LUZP1: variants seen among roughly 807,000 people sequenced by gnomAD.
LUZP1 encodes the protein leucine zipper protein 1.
Under a neutral mutation model 71.3 loss-of-function variants are expected in LUZP1, and 25 were observed. That is an observed-to-expected ratio of 0.35 (90% CI 0.26 to 0.49). The LOEUF (loss-of-function observed/expected upper bound fraction) is 0.49, where lower values mean the gene tolerates loss of function less well. LUZP1 is among the 20% of genes least tolerant of loss of function. The probability of loss-of-function intolerance (pLI) is 0.99; values close to 1 mark genes in which losing one functional copy is unlikely to be tolerated. For synonymous variants in LUZP1, 481 were observed against 506.4 expected (o/e 0.95, Z 0.67); for missense variants, 1,142 against 1,300.8 (o/e 0.88, Z 1.88).
At chr1:23,103,402 C>T (rs551648324) in intron 3 of LUZP1, among the ~76,000 whole-genome samples, 13 of 152,246 alleles carry the variant, frequency 8.5e-5, no homozygotes, top group South Asian at 4.2e-4. Flanking sequence ...ATTTTGGATA[C>T]GCAAACTCAA....
At chr1:23,133,953 G>T (rs888154142) in intron 2 of LUZP1, among the ~76,000 whole-genome samples, 9 of 152,040 alleles carry the variant, frequency 5.9e-5, no homozygotes, top group Non-Finnish European at 1.0e-4. Context: ...ATTATAACTG[G>T]CCTGGACTCT....
At chr1:23,142,593 C>G (rs1445959696) in intron 2 of LUZP1, among the ~76,000 whole-genome samples, 1 of 151,854 alleles carries the variant, frequency 6.6e-6, no homozygotes, top group African/African-American at 2.4e-5. Flanking sequence ...GCCAGAATTA[C>G]ACATTACAGC....
At chr1:23,166,169 G>T (rs1644508565) in intron 2 of LUZP1, among the ~76,000 whole-genome samples, 1 of 151,994 alleles carries the variant, frequency 6.6e-6, no homozygotes, top group Non-Finnish European at 1.5e-5. Context: ...AGGGCCCACA[G>T]TCACCCAGTG....
chr1:23,108,208 C>T (rs942162451), intron 3 of LUZP1, among the ~76,000 whole-genome samples: 20 of 152,194 alleles, frequency 1.3e-4, no homozygotes, highest in African/African-American at 4.8e-4. Context: ...GGAAAAGAAC[C>T]TAATTGTTGA....
intron 2 of LUZP1, among the ~76,000 whole-genome samples, chr1:23,130,347 A>G (rs1198164288): frequency 2.0e-5 from 3 of 152,182 alleles, no homozygotes; most frequent in Non-Finnish European, 4.4e-5. Context: ...TGTTTATGTC[A>G]TAATACTCCA....
exon 4 of LUZP1, chr1:23,092,482 A>G (rs1233723263): frequency 2.5e-6 from 4 of 1,614,074 alleles, no homozygotes; most frequent in Non-Finnish European, 3.4e-6. Context: ...GAATTCGGGC[A>G]ACTGTTATCA....
At chr1:23,133,312 AC>A (rs1228384832) in intron 2 of LUZP1, among the ~76,000 whole-genome samples, 1 of 152,224 alleles carries the variant, frequency 6.6e-6, no homozygotes, top group Non-Finnish European at 1.5e-5. Flanking sequence ...TATAATCACA[AC>A]CGCCAGTGTA....
chr1:23,091,031 G>C (rs1569855144), intron 4 of LUZP1, 159 bp downstream of exon 3: 13 of 823,900 alleles, frequency 1.6e-5, no homozygotes, highest in Middle Eastern at 2.2e-4. Flanking sequence ...TAGGAGAAAG[G>C]TCAAACCCCC....
intron 2 of LUZP1, among the ~76,000 whole-genome samples, chr1:23,126,292 A>C (rs1416171651): frequency 1.3e-5 from 2 of 152,196 alleles, no homozygotes; most frequent in East Asian, 3.9e-4. Flanking sequence ...TGACTAAAAC[A>C]CACTATGTTG....
exon 5 of LUZP1, chr1:23,086,552 G>A (rs1431608690): frequency 6.6e-6 from 1 of 152,638 alleles, no homozygotes; most frequent in Non-Finnish European, 1.5e-5. Context: ...AAGAATTATT[G>A]GCGAGATCTT....
At chr1:23,083,644 T>TG (rs147939451), downstream of LUZP1, 33,586 of 209,670 alleles carry the variant, frequency 0.16, 1,692 homozygotes, top group East Asian at 0.22. Context: ...GTGTGGGGTT[T>TG]TTGTTTTTTT....
At chr1:23,142,696 TATATACACACAC>T (rs1465222377) in intron 2 of LUZP1, among the ~76,000 whole-genome samples, 2,450 of 90,838 alleles carry the variant, frequency 0.027, 42 homozygotes, top group South Asian at 0.072. Context: ...AATATATATA[TATATACACACAC>T]ACACACACAC....
intron 2 of LUZP1, among the ~76,000 whole-genome samples, chr1:23,114,533 C>T (rs1475489153): frequency 6.6e-6 from 1 of 152,192 alleles, no homozygotes. Context: ...GACTGAGTCG[C>T]TTCTCACATT....
rs909564840 is a variant in LUZP1 at position 23,094,796 on chromosome 1, T to A, written c.-119-416A>T. Among the ~76,000 whole-genome samples the A allele has an allele frequency of 1.3e-5, 2 of 152,190 alleles. No individual in the cohort carries two copies. Among genetic ancestry groups the A allele is most frequent in the African/African-American group, 4.8e-5 (2 of 41,430 alleles). On this transcript the variant is annotated intron_variant, in intron 3 of 4. Coordinates refer to ENST00000302291, the Ensembl canonical transcript of LUZP1. The surrounding 1 kb of genome is among the most constrained non-coding windows in gnomAD (Gnocchi z 4.7). ...TCCCCAGTGTTGTTCTGAGATAATA[T>A]GTGGAAGATCTTGGTAACAAAGCAA...
At chr1:23,173,937 T>A (rs996046033) in intron 1 of LUZP1, among the ~76,000 whole-genome samples, 1 of 151,990 alleles carries the variant, frequency 6.6e-6, no homozygotes, top group African/African-American at 2.4e-5. Context: ...CTAATAGAAG[T>A]CTCAGGAACC....
intron 4 of LUZP1, among the ~76,000 whole-genome samples, chr1:23,090,077 ATTCTCC>A (rs1643830144): frequency 6.6e-6 from 1 of 152,130 alleles, no homozygotes; most frequent in South Asian, 2.1e-4. Flanking sequence ...CCTTTTTAAT[ATTCTCC>A]TTGGTTCTCC....
intron 1 of LUZP1, among the ~76,000 whole-genome samples, chr1:23,177,137 C>T (rs1469061073): frequency 1.3e-5 from 2 of 152,102 alleles, no homozygotes; most frequent in African/African-American, 4.8e-5. Context: ...GCGATCCTCC[C>T]ACCTCGGCCT....
exon 4 of LUZP1, chr1:23,092,070 G>A (rs1358882948): frequency 3.7e-6 from 6 of 1,614,098 alleles, no homozygotes; most frequent in Non-Finnish European, 5.1e-6. Context: ...ATTGGTATCT[G>A]GGAGCTCCAT....
intron 2 of LUZP1, among the ~76,000 whole-genome samples, chr1:23,127,174 AT>A (rs1644178476): frequency 2.0e-5 from 3 of 152,220 alleles, no homozygotes; most frequent in Non-Finnish European, 2.9e-5. Context: ...TAAGTGCTTT[AT>A]ATACATCACC....
Sources: gnomAD v4.1 joint callset for allele counts (sites outside exome capture counted in the v4.1 genomes callset) on GRCh38, gnomAD v4.1.1 for gene constraint, Gnocchi (gnomAD v3.1) non-coding constraint, MANE v1.5 for transcripts, NCBI Gene and HGNC (gene_info 2026-07-23, HGNC 2026-07-21) for gene names.